LAMB1: variants seen among roughly 807,000 people sequenced by gnomAD.
LAMB1 encodes laminin subunit beta-1.
In LAMB1, 121 loss-of-function variants were observed where a neutral mutation model predicts 222.3. The observed-to-expected ratio is 0.54, with a 90% CI of 0.47 to 0.63. The LOEUF is 0.63. Among genes scored for constraint, LAMB1 ranks in the 30% least tolerant of loss-of-function variants. The pLI is 0.00. For synonymous variants in LAMB1, 794 were observed against 807.2 expected (o/e 0.98, Z 0.28); for missense variants, 2,172 against 2,240.8 (o/e 0.97, Z 0.62).
At chr7:107,986,869 T>C (rs2021885) in intron 5 of LAMB1, among the ~76,000 whole-genome samples, 90,086 of 152,088 alleles carry the variant, frequency 0.59, 27,284 homozygotes, top group African/African-American at 0.7. Context: ...TAGGGTTGCA[T>C]GCAATGTGCT....
intron 18 of LAMB1, 40 bp from the exon 19 acceptor site, chr7:107,959,874 G>A (rs1487657543): frequency 6.3e-7 from 1 of 1,595,544 alleles, no homozygotes; most frequent in Admixed American, 1.7e-5. Flanking sequence ...ACACGGAGCA[G>A]CACATCATCG....
intron 28 of LAMB1, 133 bp from the exon 29 acceptor site, chr7:107,931,633 C>T: frequency 1.2e-6 from 1 of 814,564 alleles, no homozygotes; most frequent in Non-Finnish European, 2.0e-6. Context: ...ACAACTTTCT[C>T]CCATTCAACA....
chr7:107,951,959 G>C (rs760246004), intron 23 of LAMB1, 50 bp downstream of exon 23: 1 of 1,500,102 alleles, frequency 6.7e-7, no homozygotes, highest in Non-Finnish European at 9.1e-7. Flanking sequence ...AGTCACCATG[G>C]GCTGACACCT....
rs1339857275 is a variant in LAMB1 at position 108,002,959 on chromosome 7, C to T, written c.-74G>A. On this transcript the variant is annotated 5_prime_UTR_variant, in exon 2 of 34. Coordinates refer to ENST00000222399, the MANE Select transcript of LAMB1 (RefSeq NM_002291.3). ...CCCGCCGAGCCGCCTGCCCTTTCTTCCCGTCTTCCTTTCTGGAGAGGTGGA... is the reference window on the plus strand; with the variant it reads ...CCCGCCGAGCCGCCTGCCCTTTCTTTCCGTCTTCCTTTCTGGAGAGGTGGA... The T allele has an allele frequency of 1.9e-6, 3 of 1,607,332 alleles. No individual in the cohort carries two copies. The highest frequency in any genetic ancestry group is 1.7e-4 in the Middle Eastern group (1 of 5,990).
rs773227979 is a variant in LAMB1 at position 107,964,551 on chromosome 7, C to T, written c.1698+1G>A. 3.7e-6 allele frequency: 6 copies of T among 1,614,174 alleles called. No individual in the cohort carries two copies. The highest frequency in any genetic ancestry group is 5.1e-6 in the Non-Finnish European group (6 of 1,180,010). Reference sequence around the variant, plus strand: ...GACCTGCCACACACTCCCCTACTCACAGGCCCCAAGTTGGCTTCCTCCGCT... The same window carrying T: ...GACCTGCCACACACTCCCCTACTCATAGGCCCCAAGTTGGCTTCCTCCGCT... On this transcript the variant is annotated splice_donor_variant, in intron 14 of 33. Coordinates refer to ENST00000222399, the MANE Select transcript of LAMB1 (RefSeq NM_002291.3). LOFTEE classifies it high-confidence loss of function.
intron 13 of LAMB1, 145 bp from the exon 14 acceptor site, chr7:107,964,832 A>G (rs561900596): frequency 1.7e-4 from 162 of 949,204 alleles, no homozygotes; most frequent in Middle Eastern, 1.4e-3. Flanking sequence ...CATATGTGGA[A>G]AAAAGTAGTG....
Position 107,943,851 on chromosome 7 carries a change from GAGAA to G in LAMB1, c.3392-3497_3392-3494del, listed in dbSNP as rs140769130. On this transcript the variant is annotated intron_variant, in intron 24 of 33. Coordinates refer to ENST00000222399, the MANE Select transcript of LAMB1 (RefSeq NM_002291.3). Reference sequence around the variant, plus strand: ...TATCTGTGTGTCTGTGTGAGAGATGGAGAAAGAGATACCCTTCAAAAGGTGGAGC... The same window carrying G: ...TATCTGTGTGTCTGTGTGAGAGATGGAGAGATACCCTTCAAAAGGTGGAGC... 3.9e-3 allele frequency among the ~76,000 whole-genome samples: 587 copies of G among 152,304 alleles called. 6 individuals are homozygous for G. The highest frequency in any genetic ancestry group is 0.014 in the African/African-American group (561 of 41,552).
intron 24 of LAMB1, among the ~76,000 whole-genome samples, chr7:107,950,388 A>G (rs1478763526): frequency 6.6e-6 from 1 of 152,248 alleles, no homozygotes; most frequent in African/African-American, 2.4e-5. Context: ...ATATAAAAAC[A>G]GAGTTGCAAC....
rs1175179064 is a variant in LAMB1 at position 107,940,219 on chromosome 7, T to C, written c.3531A>G (p.Thr1177=). 2 of 1,614,066 alleles carry C rather than the reference T, an allele frequency of 1.2e-6. No individual in the cohort carries two copies. Among genetic ancestry groups the C allele is most frequent in the Non-Finnish European group, 1.7e-6 (2 of 1,180,008 alleles). ...RGYSGVFPDC[T]PCHQCFALWD... ...AGAGAGCAAAGCACTGGTGGCAGGGTGTGCAGTCAGGGAAGACCCCCGAGT... is the reference window on the plus strand; with the variant it reads ...AGAGAGCAAAGCACTGGTGGCAGGGCGTGCAGTCAGGGAAGACCCCCGAGT... Residue 1177 remains threonine, a synonymous_variant, in exon 25 of 34, where the codon ACA becomes ACG. Coordinates refer to ENST00000222399, the MANE Select transcript of LAMB1 (RefSeq NM_002291.3).
chr7:107,952,130 G>C lies in LAMB1; in HGVS notation c.3173C>G (p.Pro1058Arg), dbSNP rs764283285. The change falls in exon 23 of 34, where the codon CCT becomes CGT. Residue 1058 changes from proline to arginine, a missense_variant. Transcript: ENST00000222399. ...GTCACAGTTCTGCCCGATCACATTA[G>C]GAAGACACAAGCACTGACCAGTGGC... ...DKATGQCLCL[P>R]NVIGQNCDRC... is the part of the protein sequence containing the mutation. The C allele has an allele frequency of 2.5e-6, 4 of 1,614,088 alleles. No homozygotes were observed. Among genetic ancestry groups the C allele is most frequent in the Middle Eastern group, 1.6e-4 (1 of 6,062 alleles).
At position 107,965,624 on chromosome 7, in the gene LAMB1, ACAAAACT is replaced by A. The variant is rs1258636882; in HGVS notation, c.1563-944_1563-938del. Reference sequence around the variant, plus strand: ...TTAGTATCATAATTTTGTATACAATACAAAACTCAAATTACATGTATCCATTTTTACT... The same window carrying A: ...TTAGTATCATAATTTTGTATACAATACAAATTACATGTATCCATTTTTACT... On this transcript the variant is annotated intron_variant, in intron 13 of 33. Coordinates refer to ENST00000222399, the MANE Select transcript of LAMB1 (RefSeq NM_002291.3). 3.3e-5 allele frequency among the ~76,000 whole-genome samples: 5 copies of A among 152,252 alleles called. No individual in the cohort carries two copies. The East Asian group carries it at 7.7e-4, about 24-fold the overall frequency.
At chr7:107,958,586 C>T (rs2033425319) in intron 20 of LAMB1, among the ~76,000 whole-genome samples, 2 of 152,316 alleles carry the variant, frequency 1.3e-5, no homozygotes, top group South Asian at 4.1e-4. Context: ...GCCCAAAAAG[C>T]CAGTTCTAAC....
At position 107,962,947 on chromosome 7, in the gene LAMB1, T is replaced by C. The variant is rs745671071; in HGVS notation, c.1815A>G (p.Pro605=). Residue 605 remains proline, a synonymous_variant, in exon 15 of 34, where the codon CCA becomes CCG. Coordinates refer to ENST00000222399, the MANE Select transcript of LAMB1 (RefSeq NM_002291.3). ...TTAGGATGTCGTACTCCATGGAATATGGTATGTTGTCAATGAAAAACTCCA... is the reference window on the plus strand; with the variant it reads ...TTAGGATGTCGTACTCCATGGAATACGGTATGTTGTCAATGAAAAACTCCA... The part of the protein sequence containing the change: ...AYLEFFIDNI[P]YSMEYDILIR... 3.7e-6 allele frequency: 6 copies of C among 1,614,074 alleles called. No individual in the cohort carries two copies. The Admixed American group carries it at 5.0e-5, about 13-fold the overall frequency.
intron 24 of LAMB1, among the ~76,000 whole-genome samples, chr7:107,944,903 G>A (rs1319032670): frequency 6.6e-6 from 1 of 152,312 alleles, no homozygotes; most frequent in South Asian, 2.1e-4. Context: ...ATGAGGTCCA[G>A]TGGGCTCCTT....
intron 20 of LAMB1, 113 bp from the exon 21 acceptor site, chr7:107,955,743 T>C (rs1287455228): frequency 1.1e-5 from 10 of 952,158 alleles, no homozygotes; most frequent in Non-Finnish European, 1.3e-5. Context: ...ACTCCTCATG[T>C]TTTCTTTGAG....
chr7:107,981,804 G>T (rs1391161425), intron 7 of LAMB1, among the ~76,000 whole-genome samples: 4 of 152,078 alleles, frequency 2.6e-5, no homozygotes, highest in Non-Finnish European at 5.9e-5. Context: ...AAACATTTTT[G>T]TCTCTATTTT....
At chr7:107,984,175 T>C (rs1174392931) in intron 7 of LAMB1, among the ~76,000 whole-genome samples, 1 of 152,156 alleles carries the variant, frequency 6.6e-6, no homozygotes, top group Non-Finnish European at 1.5e-5. Context: ...TCCCAGTGTC[T>C]CCTGCAGTAT....
intron 28 of LAMB1, 151 bp from the exon 29 acceptor site, chr7:107,931,651 G>C (rs2032714405): frequency 1.4e-6 from 1 of 701,782 alleles, no homozygotes; most frequent in African/African-American, 1.8e-5. Flanking sequence ...ACAAAGTATT[G>C]TATCTTACAG....
In LAMB1 at chr7:108,003,012, AAGAG is replaced by A; in HGVS notation, c.-86-45_-86-42del. The A allele has an allele frequency of 1.1e-5, 17 of 1,514,182 alleles. No individual in the cohort carries two copies. The South Asian group carries it at 1.8e-4, about 16-fold the overall frequency. The allele number at this position is 1,514,182 out of a possible 1,614,324, so 93.8% of individuals were successfully genotyped here. A position where few individuals can be genotyped will look rare whatever the true frequency, so the allele number is the denominator to read the frequency against. ...GGAGGGGAAAAAAGGCAAATGTTCA[AAGAG>A]AGAAGAGGCGCCCTTCCATTTCCTG... On this transcript the variant is annotated intron_variant, in intron 1 of 33. Coordinates refer to ENST00000222399, the MANE Select transcript of LAMB1 (RefSeq NM_002291.3).
Sources: allele counts gnomAD v4.1 joint callset (sites outside exome capture counted in the v4.1 genomes callset), GRCh38; gene constraint gnomAD v4.1.1; transcripts MANE v1.5; gene names NCBI Gene and HGNC (gene_info 2026-07-23, HGNC 2026-07-21).